The following C2orf66 variants were observed in gnomAD, a reference collection of about 807,000 sequenced individuals.
C2orf66 encodes chromosome 2 open reading frame 66, also known as uncharacterized protein C2orf66.
A neutral mutation model predicts 7.0 loss-of-function variants in C2orf66; 6 were observed. That is an observed-to-expected ratio of 0.86 (90% CI 0.47 to 1.69). C2orf66 has a LOEUF of 1.69. C2orf66 is among the 40% of genes most tolerant of loss of function. C2orf66 has a pLI of 0.01. For synonymous variants in C2orf66, 38 were observed against 43.8 expected, an observed-to-expected ratio of 0.87 and a Z score of 0.52; for missense variants, 107 against 112.0, an observed-to-expected ratio of 0.96 and a Z score of 0.20.
At chr2:196,830,690 ATCTC>A in the C2orf66 span, among the ~76,000 whole-genome samples, 1 of 152,042 alleles carries the variant, frequency 6.6e-6, no homozygotes, top group African/African-American at 2.4e-5. Context: ...TAAGTTTTCG[ATCTC>A]TCTCTTACAC....
At chr2:196,808,826 T>C (rs1576048929) in intron 1 of C2orf66, among the ~76,000 whole-genome samples, 1 of 152,240 alleles carries the variant, frequency 6.6e-6, no homozygotes, top group African/African-American at 2.4e-5. Context: ...TCTCTAGTTA[T>C]ATGATAACTT....
chr2:196,831,354 A>T, the C2orf66 span, among the ~76,000 whole-genome samples: 2 of 152,016 alleles, frequency 1.3e-5, no homozygotes, highest in African/African-American at 4.8e-5. Context: ...CAATTTTCCT[A>T]CCTTGGCTCA....
chr2:196,812,415 T>C (rs1419779769), upstream of C2orf66, among the ~76,000 whole-genome samples: 1 of 152,094 alleles, frequency 6.6e-6, no homozygotes, highest in African/African-American at 2.4e-5. Context: ...ATAAACCAGG[T>C]ATTGATGGAA....
At chr2:196,821,921 C>A in the C2orf66 span, among the ~76,000 whole-genome samples, 1 of 129,738 alleles carries the variant, frequency 7.7e-6, no homozygotes, top group African/African-American at 2.8e-5. Flanking sequence ...GAAATAGAAC[C>A]AGTGAGCTTT....
chr2:196,816,429 A>G, the C2orf66 span, among the ~76,000 whole-genome samples: 1 of 152,236 alleles, frequency 6.6e-6, no homozygotes, highest in Non-Finnish European at 1.5e-5. Context: ...GACCCTCAGA[A>G]TTCTGTAGTT....
chr2:196,823,136 G>A, the C2orf66 span, among the ~76,000 whole-genome samples: 1 of 152,210 alleles, frequency 6.6e-6, no homozygotes, highest in African/African-American at 2.4e-5. Context: ...TAGTAATGAT[G>A]GTCTAAACTA....
chr2:196,808,221 G>A (rs934189380), intron 1 of C2orf66, among the ~76,000 whole-genome samples: 16 of 152,190 alleles, frequency 1.1e-4, no homozygotes, highest in African/African-American at 3.4e-4. Flanking sequence ...CATAGGTAGT[G>A]CACCTAGGGC....
chr2:196,813,827 A>G (rs1345222102), upstream of C2orf66, among the ~76,000 whole-genome samples: 1 of 152,268 alleles, frequency 6.6e-6, no homozygotes, highest in Non-Finnish European at 1.5e-5. Context: ...AAAAAAGCTC[A>G]TCATCACTGG....
chr2:196,817,514 C>A, the C2orf66 span, among the ~76,000 whole-genome samples: 1 of 152,228 alleles, frequency 6.6e-6, no homozygotes, highest in African/African-American at 2.4e-5. Flanking sequence ...GGATTACAGG[C>A]TTGTGCCACC....
chr2:196,827,542 A>G, the C2orf66 span, among the ~76,000 whole-genome samples: 1 of 152,148 alleles, frequency 6.6e-6, no homozygotes. Flanking sequence ...ACCATGTACA[A>G]TGCTGTATTT....
chr2:196,809,639 G>GA (rs1699855493), upstream of C2orf66: 1 of 298,696 alleles, frequency 3.3e-6, no homozygotes, highest in Non-Finnish European at 6.1e-6. Flanking sequence ...TTCATCTTTG[G>GA]AAAAAAAGTA....
At chr2:196,825,880 G>A in the C2orf66 span, among the ~76,000 whole-genome samples, 1 of 152,170 alleles carries the variant, frequency 6.6e-6, no homozygotes, top group Non-Finnish European at 1.5e-5. Flanking sequence ...CAGCATACAG[G>A]AAGACAGGGC....
At chr2:196,818,198 A>T in the C2orf66 span, among the ~76,000 whole-genome samples, 3 of 152,082 alleles carry the variant, frequency 2.0e-5, no homozygotes, top group Non-Finnish European at 4.4e-5. Context: ...ACTTCCTGCG[A>T]CACCTGAGAC....
chr2:196,817,524 C>T, the C2orf66 span, among the ~76,000 whole-genome samples: 87 of 152,160 alleles, frequency 5.7e-4, no homozygotes, highest in African/African-American at 1.2e-3. Flanking sequence ...CTTGTGCCAC[C>T]GCACCTGGCC....
At chr2:196,818,943 A>T in the C2orf66 span, among the ~76,000 whole-genome samples, 1 of 152,220 alleles carries the variant, frequency 6.6e-6, no homozygotes, top group South Asian at 2.1e-4. Flanking sequence ...ATGCCCATAA[A>T]ATAGAGTCTA....
upstream of C2orf66, among the ~76,000 whole-genome samples, chr2:196,812,268 G>A (rs768050229): frequency 6.6e-6 from 1 of 151,958 alleles, no homozygotes; most frequent in Non-Finnish European, 1.5e-5. Flanking sequence ...TTTTACTGAG[G>A]TTCAACATAT....
At chr2:196,817,886 T>C in the C2orf66 span, among the ~76,000 whole-genome samples, 3 of 152,174 alleles carry the variant, frequency 2.0e-5, no homozygotes, top group African/African-American at 7.2e-5. Context: ...TCAGACCTTA[T>C]GGTTGTCTTC....
the C2orf66 span, among the ~76,000 whole-genome samples, chr2:196,816,339 G>A: frequency 6.6e-6 from 1 of 152,158 alleles, no homozygotes; most frequent in South Asian, 2.1e-4. Flanking sequence ...AAACACACAT[G>A]ACATTCTCAA....
At chr2:196,810,002 C>G (rs534275867), upstream of C2orf66, 1 of 152,202 alleles carries the variant, frequency 6.6e-6, no homozygotes, top group African/African-American at 2.4e-5. Flanking sequence ...GATTGGGTGC[C>G]AGTGGAAGTC....
Sources: allele counts gnomAD v4.1 joint callset (sites outside exome capture counted in the v4.1 genomes callset), GRCh38; gene constraint gnomAD v4.1.1; transcripts MANE v1.5; gene names NCBI Gene and HGNC (gene_info 2026-07-23, HGNC 2026-07-21).